Variants in COLEC11 observed in about 807,000 individuals in gnomAD.
COLEC11 encodes collectin-11.
Under a neutral mutation model 27.3 loss-of-function variants are expected in COLEC11, and 20 were observed. The ratio of observed to expected loss-of-function variants is 0.73; its 90% CI spans 0.51 to 1.06. COLEC11 has a LOEUF of 1.06. COLEC11 is among the 50% of genes least tolerant of loss of function. The pLI, the probability that COLEC11 is intolerant of heterozygous loss-of-function variation, is 0.00. For synonymous variants in COLEC11, 163 were observed against 154.7 expected (o/e 1.05, Z -0.40); for missense variants, 310 against 383.0 (o/e 0.81, Z 1.59).
At chr2:3,635,034 C>T (rs1458748625) in intron 3 of COLEC11, among the ~76,000 whole-genome samples, 2 of 149,484 alleles carry the variant, frequency 1.3e-5, no homozygotes, top group Non-Finnish European at 3.0e-5. Context: ...ACACTTCTCT[C>T]AGGTGCCCTC....
intron 2 of COLEC11, chr2:3,606,280 C>T (rs1474862268): frequency 3.3e-6 from 5 of 1,526,594 alleles, no homozygotes; most frequent in Non-Finnish European, 4.4e-6. Context: ...GTGGGGTGGG[C>T]TCCAGGGTCC....
At chr2:3,634,472 CA>C (rs1366323435) in intron 3 of COLEC11, among the ~76,000 whole-genome samples, 1 of 152,210 alleles carries the variant, frequency 6.6e-6, no homozygotes, top group Non-Finnish European at 1.5e-5. Flanking sequence ...CCTCCTGCAG[CA>C]AAGCAGGGCC....
At chr2:3,638,779 C>A (rs574128325) in intron 4 of COLEC11, among the ~76,000 whole-genome samples, 6 of 152,190 alleles carry the variant, frequency 3.9e-5, no homozygotes, top group Non-Finnish European at 8.8e-5. Context: ...TGGAGGGAGG[C>A]GTGGGCTTCA....
intron 3 of COLEC11, among the ~76,000 whole-genome samples, chr2:3,623,663 A>C (rs1410478852): frequency 3.3e-5 from 5 of 151,862 alleles, no homozygotes; most frequent in Non-Finnish European, 7.4e-5. Context: ...TTTTTAAAAA[A>C]AAATCTCTAT....
chr2:3,606,493 T>A (rs1247733635), intron 2 of COLEC11, among the ~76,000 whole-genome samples: 2 of 152,178 alleles, frequency 1.3e-5, no homozygotes, highest in African/African-American at 4.8e-5. Context: ...AGCCTCGGCC[T>A]CCTGGTCCGT....
At chr2:3,617,381 C>G (rs757942296) in intron 3 of COLEC11, among the ~76,000 whole-genome samples, 5 of 152,150 alleles carry the variant, frequency 3.3e-5, no homozygotes, top group Non-Finnish European at 5.9e-5. Flanking sequence ...ATGGGAGAGA[C>G]AGGCGCGGCC....
intron 1 of COLEC11, chr2:3,603,959 G>A: frequency 1.8e-6 from 1 of 566,904 alleles, no homozygotes; most frequent in Admixed American, 3.0e-5. Flanking sequence ...GAGGCTCCAT[G>A]TCTGTGGCTG....
In COLEC11 at chr2:3,644,196, C is replaced by A; in HGVS notation, c.*78C>A. ...CAGGGACAGAGCCCAGACCATGGTG[C>A]CAGCCAGGGAGCTGTCCCTCTGTGA... On this transcript the variant is annotated 3_prime_UTR_variant, in exon 7 of 7. Transcript: ENST00000349077. The A allele has an allele frequency of 6.4e-7, 1 of 1,567,952 alleles. No individual in the cohort carries two copies.
At chr2:3,610,746 G>C (rs1663125879) in intron 2 of COLEC11, among the ~76,000 whole-genome samples, 1 of 152,138 alleles carries the variant, frequency 6.6e-6, no homozygotes, top group Non-Finnish European at 1.5e-5. Flanking sequence ...GGCTACCCCT[G>C]CTCAGCAGCT....
chr2:3,628,639 G>A (rs1336564667), intron 3 of COLEC11, among the ~76,000 whole-genome samples: 2 of 152,240 alleles, frequency 1.3e-5, no homozygotes, highest in African/African-American at 2.4e-5. Flanking sequence ...ATTCGAGGAG[G>A]TGGTGCGGTT....
chr2:3,604,489 C>G lies in COLEC11; in HGVS notation c.130+19C>G. On this transcript the variant is annotated intron_variant, in intron 2 of 6. Transcript: ENST00000349077. ...CTCAAAGGTAACCGCTCCCTGGACT[C>G]TGGGCTGCTGGGCAGTGGCCTCCGG... 1 of 1,613,456 alleles carries G rather than the reference C, an allele frequency of 6.2e-7. No homozygotes were observed. The highest frequency in any genetic ancestry group is 8.5e-7 in the Non-Finnish European group (1 of 1,179,974).
intron 5 of COLEC11, 125 bp from the exon 6 acceptor site, chr2:3,643,319 G>A (rs191956677): frequency 3.7e-5 from 29 of 784,030 alleles, no homozygotes; most frequent in East Asian, 2.1e-4. Flanking sequence ...TGGTTATTGC[G>A]GCCTCAAAGG....
chr2:3,609,710 A>G (rs1663041325), intron 2 of COLEC11, among the ~76,000 whole-genome samples: 2 of 152,120 alleles, frequency 1.3e-5, no homozygotes, highest in Admixed American at 1.3e-4. Flanking sequence ...TTGTATTTTT[A>G]GTAGAGACGG....
intron 3 of COLEC11, among the ~76,000 whole-genome samples, chr2:3,621,089 T>C (rs1448028010): frequency 6.6e-6 from 1 of 152,216 alleles, no homozygotes; most frequent in Non-Finnish European, 1.5e-5. Context: ...TGATTTTCTG[T>C]CTGGGTGATC....
intron 2 of COLEC11, among the ~76,000 whole-genome samples, chr2:3,612,134 T>C (rs983495752): frequency 1.3e-5 from 2 of 152,052 alleles, no homozygotes; most frequent in Non-Finnish European, 2.9e-5. Context: ...GCTGGCACAA[T>C]TGTGCAGAGA....
chr2:3,632,812 C>T (rs1023492977), intron 3 of COLEC11, among the ~76,000 whole-genome samples: 1 of 152,132 alleles, frequency 6.6e-6, no homozygotes, highest in Non-Finnish European at 1.5e-5. Flanking sequence ...CCACTGAGTC[C>T]CCACTTGGAG....
At chr2:3,617,423 G>C (rs1001404094) in intron 3 of COLEC11, 2 of 1,038,810 alleles carry the variant, frequency 1.9e-6, no homozygotes, top group African/African-American at 3.2e-5. Context: ...ATGTGAAAGG[G>C]GCAGCACAGT....
rs1259475598 is a variant in COLEC11 at position 3,602,463 on chromosome 2, A to G, written c.-26-1852A>G. On this transcript the variant is annotated intron_variant, in intron 1 of 6. Transcript: ENST00000349077. This position sits in a 1 kb window ranked among gnomAD's most constrained non-coding sequence, Gnocchi z 6.2. ...GATTTCTCTCTGTCATTTCCCACAT[A>G]ACTGATCAGCAAAACCTGTCAGCTT... Among the ~76,000 whole-genome samples, 8 of 152,080 alleles carry G rather than the reference A, an allele frequency of 5.3e-5. No individual in the cohort carries two copies.
chr2:3,618,287 A>G (rs1329627166), intron 3 of COLEC11, among the ~76,000 whole-genome samples: 1 of 152,180 alleles, frequency 6.6e-6, no homozygotes, highest in African/African-American at 2.4e-5. Flanking sequence ...ATGTCAAGGA[A>G]CTTTTCCCTT....
Sources: allele counts gnomAD v4.1 joint callset (sites outside exome capture counted in the v4.1 genomes callset), GRCh38; gene constraint gnomAD v4.1.1; non-coding constraint Gnocchi (gnomAD v3.1); transcripts MANE v1.5; gene names NCBI Gene and HGNC (gene_info 2026-07-23, HGNC 2026-07-21).